The following NIPBL variants were observed in gnomAD, a reference collection of about 807,000 sequenced individuals.
The protein encoded by NIPBL is NIPBL cohesin loading factor, also known as nipped-B-like protein.
A neutral mutation model predicts 321.8 loss-of-function variants in NIPBL; 19 were observed. That is an observed-to-expected ratio of 0.06 (90% CI 0.04 to 0.09). The LOEUF (loss-of-function observed/expected upper bound fraction) is 0.09. NIPBL is among the 10% of genes least tolerant of loss of function. NIPBL has a pLI of 1.00. For missense variants in NIPBL, 2,210 were observed against 3,327.0 expected, an observed-to-expected ratio of 0.66 and a Z score of 8.26; for synonymous variants, 1,106 against 1,114.1, an observed-to-expected ratio of 0.99 and a Z score of 0.14.
At chr5:36,897,004 T>C (rs1746795415) in intron 1 of NIPBL, among the ~76,000 whole-genome samples, 1 of 149,036 alleles carries the variant, frequency 6.7e-6, no homozygotes, top group Admixed American at 6.6e-5. Context: ...TAGACTTTTA[T>C]ATATTTTTTT....
intron 6 of NIPBL, among the ~76,000 whole-genome samples, chr5:36,964,709 C>T (rs895787485): frequency 2.0e-5 from 3 of 151,992 alleles, no homozygotes; most frequent in African/African-American, 7.2e-5. Context: ...AGCTTCTGTA[C>T]AGCAAAAGAA....
At chr5:36,961,247 T>A (rs963864569) in intron 4 of NIPBL, among the ~76,000 whole-genome samples, 2 of 152,198 alleles carry the variant, frequency 1.3e-5, no homozygotes, top group African/African-American at 4.8e-5. Context: ...CAAGTAAATT[T>A]TTTTAAAATA....
At chr5:36,926,689 T>G (rs1176841055) in intron 1 of NIPBL, among the ~76,000 whole-genome samples, 1 of 152,182 alleles carries the variant, frequency 6.6e-6, no homozygotes, top group Non-Finnish European at 1.5e-5. Flanking sequence ...TACCTCAATA[T>G]GAGGACTAGC....
chr5:37,027,487 TGGACTGTATGATTTAAAAGAACC>T, intron 32 of NIPBL, 75 bp downstream of exon 32: 7 of 1,053,552 alleles, frequency 6.6e-6, no homozygotes, highest in Non-Finnish European at 1.0e-5. Context: ...TTTTTTTTTT[TGGACTGTATGATTTAAAAGAACC>T]TTTTTAGTTC....
At chr5:36,920,825 A>AT (rs373949491) in intron 1 of NIPBL, among the ~76,000 whole-genome samples, 5,110 of 135,416 alleles carry the variant, frequency 0.038, 107 homozygotes, top group Middle Eastern at 0.07. Context: ...TTGTTCCTTA[A>AT]TTTTTTTTTT....
intron 1 of NIPBL, 45 bp from the exon 2 acceptor site, chr5:36,953,573 A>G (rs975032028): frequency 1.6e-5 from 13 of 826,544 alleles, no homozygotes; most frequent in South Asian, 1.5e-4. Context: ...ATAGTAATAT[A>G]TCTGACATAT....
At chr5:37,026,800 C>T (rs548180532) in intron 31 of NIPBL, among the ~76,000 whole-genome samples, 9 of 151,784 alleles carry the variant, frequency 5.9e-5, no homozygotes, top group South Asian at 2.1e-4. Context: ...GAGTCTGAGA[C>T]GGGGGATCAA....
rs757104613 is a variant in NIPBL at position 37,046,228 on chromosome 5, G to A, written c.6589+29G>A. On this transcript the variant is annotated intron_variant, in intron 38 of 46. Transcript: ENST00000282516. ...AGTCTAAATTTCTTTATAATTTGTAGCTATTTGAGAGGGATAGAGCATATT... is the reference window on the plus strand; with the variant it reads ...AGTCTAAATTTCTTTATAATTTGTAACTATTTGAGAGGGATAGAGCATATT... The A allele has an allele frequency of 4.0e-6, 5 of 1,242,414 alleles. No homozygotes were observed. The Admixed American group carries it at 8.4e-5, about 21-fold the overall frequency. 77.0% of individuals were successfully genotyped at this position (1,242,414 alleles called of 1,614,324 possible).
intron 43 of NIPBL, 148 bp from the exon 44 acceptor site, chr5:37,058,743 A>G: frequency 1.5e-6 from 1 of 648,378 alleles, no homozygotes; most frequent in South Asian, 2.2e-5. Context: ...ACTATCCCCT[A>G]AGATTACATA....
intron 1 of NIPBL, among the ~76,000 whole-genome samples, chr5:36,907,211 G>T (rs1479668403): frequency 6.6e-6 from 1 of 152,174 alleles, no homozygotes; most frequent in South Asian, 2.1e-4. Context: ...CTCTCAGCAA[G>T]GTTCTAGACT....
chr5:36,975,861 T>A lies in NIPBL; in HGVS notation c.954T>A (p.Ser318=). The change falls in exon 9 of 47, where the codon TCT becomes TCA. Residue 318 remains serine, a synonymous_variant. Transcript: ENST00000282516. ...TTCCACCAGATATCTTGCTAGATTCTCCAGAAAGAAAACAAAAGAAGCAGA... is the reference window on the plus strand; with the variant it reads ...TTCCACCAGATATCTTGCTAGATTCACCAGAAAGAAAACAAAAGAAGCAGA... The part of the protein sequence containing the change: ...RDVPPDILLD[S]PERKQKKQKK... The A allele has an allele frequency of 6.2e-7, 1 of 1,612,054 alleles. No individual in the cohort carries two copies. Among genetic ancestry groups the A allele is most frequent in the South Asian group, 1.1e-5 (1 of 90,576 alleles).
intron 45 of NIPBL, among the ~76,000 whole-genome samples, chr5:37,062,758 A>G (rs1258046788): frequency 6.6e-6 from 1 of 152,094 alleles, no homozygotes; most frequent in Non-Finnish European, 1.5e-5. Flanking sequence ...TGTCTCTACA[A>G]AAAATACAAA....
chr5:37,007,915 C>A, intron 18 of NIPBL, 93 bp from the exon 19 acceptor site: 1 of 803,474 alleles, frequency 1.2e-6, no homozygotes, highest in South Asian at 1.4e-5. Context: ...TAGTGTTTTC[C>A]AGTAAGCTTA....
intron 29 of NIPBL, among the ~76,000 whole-genome samples, chr5:37,023,246 T>C (rs1749857381): frequency 6.6e-6 from 1 of 152,212 alleles, no homozygotes; most frequent in Non-Finnish European, 1.5e-5. Context: ...TTCCATCTTT[T>C]GAAGGGTAAA....
At chr5:37,021,713 A>G (rs1159204006) in intron 27 of NIPBL, among the ~76,000 whole-genome samples, 2 of 152,198 alleles carry the variant, frequency 1.3e-5, no homozygotes, top group Admixed American at 6.5e-5. Context: ...AAAACATTCA[A>G]CTACCAAATT....
chr5:37,026,349 G>T (rs1320509805), intron 31 of NIPBL, 22 bp downstream of exon 31: 3 of 1,420,838 alleles, frequency 2.1e-6, no homozygotes, highest in Non-Finnish European at 3.0e-6. Context: ...TGGAACAAGG[G>T]TGTGGTCACT....
intron 10 of NIPBL, among the ~76,000 whole-genome samples, chr5:36,992,941 C>A (rs1166376918): frequency 2.6e-5 from 4 of 151,910 alleles, no homozygotes; most frequent in Non-Finnish European, 5.9e-5. Context: ...CGGGGTTTCA[C>A]TGTGTTAGCC....
chr5:37,045,468 A>G lies in NIPBL; in HGVS notation c.6369A>G (p.Gln2123=), dbSNP rs369295272. The change falls in exon 37 of 47, where the codon CAA becomes CAG. Residue 2123 remains glutamine (Q), a synonymous_variant. Coordinates refer to ENST00000282516, the MANE Select transcript of NIPBL (RefSeq NM_133433.4). The part of the protein sequence containing the change: ...YYGAISKLKS[Q]HQEDPNNTSL... ...GTGCCATTTCAAAATTAAAAAGTCA[A>G]CACCAAGAGGACCCAAATAACACTT... is the stretch of plus-strand genomic sequence containing the variant. 3 of 1,613,380 alleles carry G rather than the reference A, an allele frequency of 1.9e-6. No homozygotes were observed. The African/African-American group carries it at 4.0e-5, about 22-fold the overall frequency.
At chr5:36,943,312 T>G (rs1483330470) in intron 1 of NIPBL, among the ~76,000 whole-genome samples, 2 of 152,138 alleles carry the variant, frequency 1.3e-5, no homozygotes, top group Non-Finnish European at 2.9e-5. Flanking sequence ...GTGAACTACT[T>G]AGGAATGAAT....
Sources: allele counts gnomAD v4.1 joint callset (sites outside exome capture counted in the v4.1 genomes callset), GRCh38; gene constraint gnomAD v4.1.1; transcripts MANE v1.5; gene names NCBI Gene and HGNC (gene_info 2026-07-23, HGNC 2026-07-21).